The following RCAN2 variants were observed in gnomAD, a reference collection of about 807,000 sequenced individuals.
RCAN2 encodes the protein regulator of calcineurin 2, also known as calcipressin-2.
Under a neutral mutation model 23.6 loss-of-function variants are expected in RCAN2, and 9 were observed. The observed-to-expected ratio is 0.38, with a 90% CI of 0.23 to 0.67. The LOEUF (loss-of-function observed/expected upper bound fraction) is 0.67. Among genes scored for constraint, RCAN2 ranks in the 30% least tolerant of loss-of-function variants. RCAN2 has a pLI of 0.51. For synonymous variants in RCAN2, 109 were observed against 115.7 expected (o/e 0.94, Z 0.37); for missense variants, 273 against 302.3 (o/e 0.90, Z 0.72).
chr6:46,364,145 T>A (rs563295474), intron 2 of RCAN2, among the ~76,000 whole-genome samples: 1 of 152,324 alleles, frequency 6.6e-6, no homozygotes, highest in East Asian at 1.9e-4. Context: ...CATTTCAAAG[T>A]GCTTCCCAAT....
At chr6:46,226,027 A>T (rs1322407991) in intron 4 of RCAN2, among the ~76,000 whole-genome samples, 2 of 152,188 alleles carry the variant, frequency 1.3e-5, no homozygotes, top group African/African-American at 4.8e-5. Flanking sequence ...TCTCAGCACC[A>T]TTTATTAAAT....
At chr6:46,433,151 G>A (rs1400892018) in intron 2 of RCAN2, among the ~76,000 whole-genome samples, 1 of 152,102 alleles carries the variant, frequency 6.6e-6, no homozygotes, top group Non-Finnish European at 1.5e-5. Context: ...TTTTTAGAAT[G>A]CTGAAAATCA....
chr6:46,478,083 C>T (rs185842255), intron 1 of RCAN2, among the ~76,000 whole-genome samples: 25 of 152,244 alleles, frequency 1.6e-4, no homozygotes, highest in East Asian at 5.8e-4. Context: ...AAGGATGCTA[C>T]GATGATTTCT....
At chr6:46,406,651 C>T (rs1192930093) in intron 2 of RCAN2, among the ~76,000 whole-genome samples, 3 of 152,180 alleles carry the variant, frequency 2.0e-5, no homozygotes, top group African/African-American at 7.2e-5. Context: ...AAACAGGTTT[C>T]AATGTTCTTC....
At chr6:46,358,004 G>A (rs368273886) in intron 2 of RCAN2, among the ~76,000 whole-genome samples, 111 of 152,094 alleles carry the variant, frequency 7.3e-4, no homozygotes, top group African/African-American at 2.5e-3. Flanking sequence ...AAATCTATCC[G>A]GTCACCTCAG....
chr6:46,355,252 TTGTGAACA>T (rs766966737), intron 2 of RCAN2, among the ~76,000 whole-genome samples: 5 of 152,200 alleles, frequency 3.3e-5, no homozygotes, highest in Non-Finnish European at 5.9e-5. Context: ...ACAGGCCACT[TTGTGAACA>T]TGATGGAAAC....
intron 2 of RCAN2, among the ~76,000 whole-genome samples, chr6:46,430,267 C>A (rs1554790): frequency 2.0e-5 from 3 of 151,824 alleles, no homozygotes; most frequent in African/African-American, 7.3e-5. Flanking sequence ...ATATTTAGGA[C>A]GTAACATCAT....
intron 2 of RCAN2, among the ~76,000 whole-genome samples, chr6:46,387,913 C>A (rs1440542999): frequency 6.6e-6 from 1 of 152,138 alleles, no homozygotes; most frequent in Non-Finnish European, 1.5e-5. Flanking sequence ...CCATGGAATA[C>A]TATGCAGCCA....
At chr6:46,435,010 G>T (rs949255101) in intron 2 of RCAN2, among the ~76,000 whole-genome samples, 2 of 152,190 alleles carry the variant, frequency 1.3e-5, no homozygotes, top group African/African-American at 4.8e-5. Flanking sequence ...TGGCAACAAA[G>T]TCTCTGACAA....
intron 2 of RCAN2, among the ~76,000 whole-genome samples, chr6:46,284,045 T>C (rs929235123): frequency 6.6e-6 from 1 of 152,232 alleles, no homozygotes; most frequent in Non-Finnish European, 1.5e-5. Flanking sequence ...TTTTAAAAAT[T>C]ATATTCTCGT....
intron 1 of RCAN2, among the ~76,000 whole-genome samples, chr6:46,485,270 A>G (rs1278994174): frequency 6.6e-6 from 1 of 152,246 alleles, no homozygotes; most frequent in Non-Finnish European, 1.5e-5. Flanking sequence ...TGAGAAAAAT[A>G]TTCAAAAAGA....
intron 2 of RCAN2, among the ~76,000 whole-genome samples, chr6:46,307,973 G>A (rs545878668): frequency 6.6e-6 from 1 of 152,290 alleles, no homozygotes; most frequent in Non-Finnish European, 1.5e-5. Context: ...TAAATCCTGT[G>A]AAAGACCTAA....
intron 2 of RCAN2, among the ~76,000 whole-genome samples, chr6:46,249,468 G>A (rs1407434241): frequency 6.6e-6 from 1 of 151,010 alleles, no homozygotes; most frequent in Non-Finnish European, 1.5e-5. Flanking sequence ...ACAGGCATGT[G>A]CCACCACACC....
intron 2 of RCAN2, among the ~76,000 whole-genome samples, chr6:46,445,873 C>A (rs529473697): frequency 1.3e-5 from 2 of 151,734 alleles, no homozygotes; most frequent in East Asian, 1.9e-4. Context: ...TATAGTCAGA[C>A]GAAAATATTA....
At chr6:46,472,788 T>C (rs890336578) in intron 1 of RCAN2, among the ~76,000 whole-genome samples, 3 of 152,178 alleles carry the variant, frequency 2.0e-5, no homozygotes, top group East Asian at 1.9e-4. Context: ...CTAAGACATA[T>C]AAGTCTTGAA....
At chr6:46,356,679 T>C (rs1764842434) in intron 2 of RCAN2, among the ~76,000 whole-genome samples, 1 of 152,048 alleles carries the variant, frequency 6.6e-6, no homozygotes, top group Admixed American at 6.5e-5. Flanking sequence ...CCAATTTCAT[T>C]GATGAGAAAT....
chr6:46,457,920 T>C (rs182442407), intron 1 of RCAN2, among the ~76,000 whole-genome samples: 1 of 152,314 alleles, frequency 6.6e-6, no homozygotes, highest in East Asian at 1.9e-4. Context: ...TTGATACTGG[T>C]ACATAATTTA....
At chr6:46,244,002 G>A (rs898460803) in intron 4 of RCAN2, among the ~76,000 whole-genome samples, 30 of 152,034 alleles carry the variant, frequency 2.0e-4, no homozygotes, top group African/African-American at 6.0e-4. Context: ...GAAATCTGAC[G>A]ATGTCACCAA....
chr6:46,455,854 T>TAA (rs572741888), intron 2 of RCAN2, among the ~76,000 whole-genome samples: 4 of 100,912 alleles, frequency 4.0e-5, no homozygotes, highest in African/African-American at 1.6e-4. Context: ...GAGATTCCGT[T>TAA]AAAAAAAAAA....
Sources: gnomAD v4.1 joint callset for allele counts (sites outside exome capture counted in the v4.1 genomes callset) on GRCh38, gnomAD v4.1.1 for gene constraint, MANE v1.5 for transcripts, NCBI Gene and HGNC (gene_info 2026-07-23, HGNC 2026-07-21) for gene names.